PTPN13: variants seen among roughly 807,000 people sequenced by gnomAD.
PTPN13 encodes protein tyrosine phosphatase non-receptor type 13.
In PTPN13, 191 loss-of-function variants were observed where a neutral mutation model predicts 284.0. The ratio of observed to expected loss-of-function variants is 0.67; its 90% CI spans 0.60 to 0.76. The LOEUF (loss-of-function observed/expected upper bound fraction) is 0.76. PTPN13 is among the 30% of genes least tolerant of loss of function. The probability of loss-of-function intolerance (pLI) is 0.00; values close to 1 mark genes in which losing one functional copy is unlikely to be tolerated. For missense variants in PTPN13, 2,797 were observed against 2,939.9 expected, an observed-to-expected ratio of 0.95 and a Z score of 1.12; for synonymous variants, 986 against 1,022.3, an observed-to-expected ratio of 0.96 and a Z score of 0.68.
intron 10 of PTPN13, among the ~76,000 whole-genome samples, chr4:86,727,684 T>A (rs1345638778): frequency 6.7e-6 from 1 of 149,502 alleles, no homozygotes; most frequent in Non-Finnish European, 1.5e-5. Flanking sequence ...TTTTATTGTG[T>A]CTATTTGATT....
chr4:86,672,882 T>G (rs992343392), intron 3 of PTPN13, among the ~76,000 whole-genome samples: 1 of 152,192 alleles, frequency 6.6e-6, no homozygotes, highest in African/African-American at 2.4e-5. Context: ...ACAGCAATCC[T>G]CATCCTTTTT....
At chr4:86,765,560 G>A (rs1739204970) in intron 26 of PTPN13, 72 bp downstream of exon 26, 1 of 1,045,412 alleles carries the variant, frequency 9.6e-7, no homozygotes, top group African/African-American at 1.6e-5. Context: ...TTATAAAGTT[G>A]ATAACTGACC....
At chr4:86,682,464 T>C (rs1430154224) in intron 3 of PTPN13, among the ~76,000 whole-genome samples, 1 of 152,184 alleles carries the variant, frequency 6.6e-6, no homozygotes, top group Non-Finnish European at 1.5e-5. Flanking sequence ...GATTCTTTTT[T>C]CGCCTTGGAC....
intron 2 of PTPN13, among the ~76,000 whole-genome samples, chr4:86,662,016 C>G (rs1418463917): frequency 6.6e-6 from 1 of 152,200 alleles, no homozygotes; most frequent in Admixed American, 6.5e-5. Flanking sequence ...TTAAAACCTG[C>G]TGCTTTATAA....
At chr4:86,726,672 C>G (rs1052597196) in intron 10 of PTPN13, among the ~76,000 whole-genome samples, 7 of 149,514 alleles carry the variant, frequency 4.7e-5, no homozygotes, top group Middle Eastern at 3.4e-3. Context: ...TGTATCCTGA[C>G]ACTTTGCTGA....
intron 9 of PTPN13, among the ~76,000 whole-genome samples, chr4:86,719,418 A>G (rs566190705): frequency 6.6e-6 from 1 of 152,246 alleles, no homozygotes; most frequent in South Asian, 2.1e-4. Flanking sequence ...TGCTATTGTA[A>G]ATAGTGCTGC....
intron 6 of PTPN13, among the ~76,000 whole-genome samples, chr4:86,698,673 C>T (rs558871162): frequency 6.6e-6 from 1 of 152,094 alleles, no homozygotes; most frequent in Non-Finnish European, 1.5e-5. Flanking sequence ...TCATCATAAC[C>T]AGCTTTTACT....
At chr4:86,767,433 A>T (rs1739463247) in intron 27 of PTPN13, among the ~76,000 whole-genome samples, 1 of 151,628 alleles carries the variant, frequency 6.6e-6, no homozygotes, top group Non-Finnish European at 1.5e-5. Context: ...TTTAGTAGAG[A>T]TGGGGTTTCA....
intron 15 of PTPN13, among the ~76,000 whole-genome samples, chr4:86,737,853 C>T (rs961492492): frequency 9.2e-5 from 14 of 152,120 alleles, no homozygotes; most frequent in Non-Finnish European, 1.3e-4. Context: ...CTCAGCCTCT[C>T]AAGTAGCTGG....
intron 10 of PTPN13, among the ~76,000 whole-genome samples, chr4:86,731,842 A>G (rs1035700625): frequency 6.6e-6 from 1 of 152,044 alleles, no homozygotes; most frequent in African/African-American, 2.4e-5. Context: ...GGGTCTAACT[A>G]TGTTGCCCAG....
intron 15 of PTPN13, among the ~76,000 whole-genome samples, chr4:86,736,208 G>A (rs1735483420): frequency 6.6e-6 from 1 of 152,128 alleles, no homozygotes. Flanking sequence ...TAGGGGTAGA[G>A]AGTCACAAAA....
intron 1 of PTPN13, among the ~76,000 whole-genome samples, chr4:86,610,896 TTTGA>T (rs1765204683): frequency 6.6e-6 from 1 of 152,216 alleles, no homozygotes; most frequent in South Asian, 2.1e-4. Context: ...AGCTGTCTGT[TTTGA>T]TTAATATTTT....
At chr4:86,750,008 C>G (rs1386310655) in intron 17 of PTPN13, among the ~76,000 whole-genome samples, 3 of 152,312 alleles carry the variant, frequency 2.0e-5, no homozygotes, top group Middle Eastern at 6.8e-3. Context: ...GGGCAAAACC[C>G]CTCTGCATAG....
Position 86,727,866 on chromosome 4 carries a change from T to G in PTPN13, c.1609-4534T>G, listed in dbSNP as rs577218367. ...TCTTGCCTTTTGCTAGCTTTTGAAT[T>G]TGTTTGCTCTTGCTTCTCTAGTTCT... On this transcript the variant is annotated intron_variant, in intron 10 of 47. Coordinates refer to ENST00000411767, the MANE Select transcript of PTPN13 (RefSeq NM_080683.3). 8.0e-5 allele frequency among the ~76,000 whole-genome samples: 12 copies of G among 149,356 alleles called. No homozygotes were observed. In the South Asian group the frequency reaches 2.3e-3, roughly 29 times the overall value.
At position 86,754,218 on chromosome 4, in the gene PTPN13, T is replaced by C. The variant is rs1469065407; in HGVS notation, c.3223+1153T>C. Among the ~76,000 whole-genome samples, 6 of 152,182 alleles carry C rather than the reference T, an allele frequency of 3.9e-5. No individual in the cohort carries two copies. The East Asian group carries it at 9.6e-4, about 24-fold the overall frequency. The stretch of plus-strand genomic sequence containing the variant: ...TTTTTGAATGTATCCTCGAAAAATA[T>C]GAGGGCCTATCATTAAAGAAAAAAT... On this transcript the variant is annotated intron_variant, in intron 20 of 47. Coordinates refer to ENST00000411767, the MANE Select transcript of PTPN13 (RefSeq NM_080683.3).
At chr4:86,607,229 T>C (rs1161415263) in intron 1 of PTPN13, among the ~76,000 whole-genome samples, 2 of 151,872 alleles carry the variant, frequency 1.3e-5, no homozygotes, top group African/African-American at 4.8e-5. Context: ...TCCATCTACA[T>C]TTTACAACCT....
intron 2 of PTPN13, among the ~76,000 whole-genome samples, chr4:86,667,974 A>C (rs1361289836): frequency 6.6e-6 from 1 of 152,216 alleles, no homozygotes; most frequent in Non-Finnish European, 1.5e-5. Flanking sequence ...CCTCAGGGAA[A>C]AAAATGGATG....
chr4:86,691,634 C>T (rs1730036636), intron 5 of PTPN13, among the ~76,000 whole-genome samples: 1 of 152,048 alleles, frequency 6.6e-6, no homozygotes, highest in African/African-American at 2.4e-5. Context: ...ATAACAACCT[C>T]AATTTAATAG....
rs1371042502 is a variant in PTPN13 at position 86,785,894 on chromosome 4, T to C, written c.6303T>C (p.Asp2101=). 3 of 1,568,278 alleles carry C rather than the reference T, an allele frequency of 1.9e-6. No individual in the cohort carries two copies. Among genetic ancestry groups the C allele is most frequent in the Non-Finnish European group, 2.6e-6 (3 of 1,154,740 alleles). The change falls in exon 40 of 48, where the codon GAT becomes GAC. Residue 2101 remains aspartate, a synonymous_variant. Coordinates refer to ENST00000411767, the MANE Select transcript of PTPN13 (RefSeq NM_080683.3). ...AGTTATCAGAAGAGAGAACAGAAGA[T>C]ACAGACTGCGATGGTTCACCTTTAC... The part of the protein sequence containing the change: ...NGKLSEERTE[D]TDCDGSPLPE...
Sources: gnomAD v4.1 joint callset for allele counts (sites outside exome capture counted in the v4.1 genomes callset) on GRCh38, gnomAD v4.1.1 for gene constraint, MANE v1.5 for transcripts, NCBI Gene and HGNC (gene_info 2026-07-23, HGNC 2026-07-21) for gene names.